The following TRMT6 variants were observed in gnomAD, a reference collection of about 807,000 sequenced individuals.
The protein encoded by TRMT6 is tRNA methyltransferase 6 non-catalytic subunit, also known as tRNA (adenine(58)-N(1))-methyltransferase non-catalytic subunit TRM6.
A neutral mutation model predicts 59.0 loss-of-function variants in TRMT6; 34 were observed. The ratio of observed to expected loss-of-function variants is 0.58; its 90% CI spans 0.44 to 0.77. TRMT6 has a LOEUF of 0.77. TRMT6 is among the 30% of genes least tolerant of loss of function. The pLI is 0.00. For missense variants in TRMT6, 575 were observed against 604.5 expected (o/e 0.95, Z 0.51); for synonymous variants, 217 against 210.5 (o/e 1.03, Z -0.27).
rs1469145560 is a variant in TRMT6 at position 5,950,429 on chromosome 20, C to G, written c.-24G>C. 1 of 1,530,088 alleles carries G rather than the reference C, an allele frequency of 6.5e-7. No homozygotes were observed. Among genetic ancestry groups the G allele is most frequent in the South Asian group, 1.2e-5 (1 of 80,232 alleles). The allele number at this position is 1,530,088 out of a possible 1,614,324, so 94.8% of individuals were successfully genotyped here. A position where few individuals can be genotyped will look rare whatever the true frequency, so the allele number is the denominator to read the frequency against. On this transcript the variant is annotated 5_prime_UTR_variant, in exon 1 of 11. Transcript: ENST00000203001. ...ATGACGCTCAGCCGGTCGCCGTGCTCCACGGCGTCCCGCCCCTCCTCCTCG... is the reference window on the plus strand; with the variant it reads ...ATGACGCTCAGCCGGTCGCCGTGCTGCACGGCGTCCCGCCCCTCCTCCTCG...
At chr20:5,949,728 G>A (rs1166845321) in intron 1 of TRMT6, among the ~76,000 whole-genome samples, 1 of 152,180 alleles carries the variant, frequency 6.6e-6, no homozygotes, top group East Asian at 1.9e-4. Context: ...GACTAGGTAG[G>A]AGACGTTTCA....
Position 5,942,807 on chromosome 20 carries a change from A to G in TRMT6, c.668-21T>C, listed in dbSNP as rs1291364197. ...AAAACCTGAACAGATAAAAGAAACA[A>G]ACATCTGCCCGTGGAGTGACTCTAG... On this transcript the variant is annotated intron_variant, in intron 6 of 10. Coordinates refer to ENST00000203001, the MANE Select transcript of TRMT6 (RefSeq NM_015939.5). 5 of 1,586,104 alleles carry G rather than the reference A, an allele frequency of 3.2e-6. No individual in the cohort carries two copies. In the African/African-American group the frequency reaches 6.8e-5, roughly 22 times the overall value.
Position 5,950,467 on chromosome 20 carries a change from G to T in TRMT6, c.-62C>A, listed in dbSNP as rs542373136. On this transcript the variant is annotated 5_prime_UTR_variant, in exon 1 of 11. Transcript: ENST00000203001. ...CCCCTCCTCCTCGGTTGTCGCCACC[G>T]CCAGCCTCACTTCCCACAACCTGGC... 1.3e-6 allele frequency: 2 copies of T among 1,506,548 alleles called. No homozygotes were observed. The highest frequency in any genetic ancestry group is 1.8e-6 in the Non-Finnish European group (2 of 1,127,146). 93.3% of individuals were successfully genotyped at this position (1,506,548 alleles called of 1,614,324 possible). A position where few individuals can be genotyped will look rare whatever the true frequency, so the allele number is the denominator to read the frequency against.
At position 5,942,745 on chromosome 20, in the gene TRMT6, C is replaced by G; in HGVS notation, c.709G>C (p.Val237Leu). 1 of 1,614,026 alleles carries G rather than the reference C, an allele frequency of 6.2e-7. No individual in the cohort carries two copies. Among genetic ancestry groups the G allele is most frequent in the Non-Finnish European group, 8.5e-7 (1 of 1,179,988 alleles). The change falls in exon 7 of 11, where the codon GTT (valine) becomes CTT (leucine). Residue 237 changes from valine (V) to leucine (L), a missense_variant. Physicochemically the swap from Val to Leu is conservative, Grantham distance 32. Transcript: ENST00000203001. ...CCAAAACATGCTGTTGCTGCCCGAA[C>G]AGGTCCTCCTCCAGGGTATAGCTGA... ...IIQLYPGGGPVRAATACFGFP... is the reference protein window; with the variant it reads ...IIQLYPGGGPLRAATACFGFP...
chr20:5,938,912 C>T (rs902393531), intron 10 of TRMT6, among the ~76,000 whole-genome samples, 186 bp from the exon 11 acceptor site: 3 of 149,240 alleles, frequency 2.0e-5, no homozygotes, highest in African/African-American at 7.4e-5. Flanking sequence ...CCTTCCCTTC[C>T]TTCCTCCCTC....
chr20:5,944,084 T>C, intron 4 of TRMT6, 53 bp from the exon 5 acceptor site: 1 of 1,408,608 alleles, frequency 7.1e-7, no homozygotes, highest in Non-Finnish European at 9.6e-7. Context: ...TAAAATATTT[T>C]ATTTGTAATA....
chr20:5,948,040 A>G (rs1401839224), intron 1 of TRMT6, among the ~76,000 whole-genome samples: 1 of 152,100 alleles, frequency 6.6e-6, no homozygotes, highest in African/African-American at 2.4e-5. Context: ...AGATTGCTTG[A>G]GCCCAAGAGG....
rs769194562 is a variant in TRMT6, at chr20:5,942,545, T to G, written c.909A>C (p.Glu303Asp). The change falls in exon 7 of 11, where the codon GAA (glutamate) becomes GAC (aspartate). Residue 303 changes from glutamate (E) to aspartate (D), a missense_variant. Transcript: ENST00000203001. ...EEKQASEQEN[E>D]DSMAEAPESN... ...TCTCTGGGGCCTCTGCCATGCTGTC[T>G]TCATTCTCTTGTTCAGAAGCCTGTT... The G allele has an allele frequency of 6.7e-5, 108 of 1,614,070 alleles. No homozygotes were observed. The highest frequency in any genetic ancestry group is 8.6e-5 in the Non-Finnish European group (102 of 1,180,040).
intron 10 of TRMT6, 92 bp from the exon 11 acceptor site, chr20:5,938,818 C>T (rs2088630975): frequency 8.7e-7 from 1 of 1,146,508 alleles, no homozygotes; most frequent in African/African-American, 1.6e-5. Flanking sequence ...TTAAACAACA[C>T]AGGTTCTCTT....
chr20:5,938,590 T>C lies in TRMT6; in HGVS notation c.1439A>G (p.His480Arg), dbSNP rs374796213. The C allele has an allele frequency of 1.8e-5, 29 of 1,614,236 alleles. No homozygotes were observed. The highest frequency in any genetic ancestry group is 1.5e-4 in the African/African-American group (11 of 75,072). Residue 480 changes from histidine (H) to arginine (R), a missense_variant, in exon 11 of 11, where the codon CAC becomes CGC. By Grantham distance (29) the His-to-Arg change is conservative. Transcript: ENST00000203001. The part of the protein sequence containing the change: ...LKSNASTLES[H>R]ETEEPAAKKR... ...TTTAGCTGCAGGCTCCTCAGTCTCG[T>C]GTGATTCTAAAGTGCTTGCATTAGA...
Position 5,942,429 on chromosome 20 carries a change from T to C in TRMT6, c.1025A>G (p.Tyr342Cys), listed in dbSNP as rs200725329. The C allele has an allele frequency of 3.1e-6, 5 of 1,613,480 alleles. No homozygotes were observed. The highest frequency in any genetic ancestry group is 4.2e-6 in the Non-Finnish European group (5 of 1,179,530). ...GGTGGGGACTCTTGGCATCCTTACA[T>C]AATCTTTTTTGCTTCCTCTCTCTTT... Reference protein sequence around the residue: ...GPKERGSKKDYIQEKQRRQEE... With the variant: ...GPKERGSKKDCIQEKQRRQEE... The change falls in exon 7 of 11, where the codon TAT becomes TGT. Residue 342 changes from tyrosine (Y) to cysteine (C), a missense_variant and splice_region_variant. Physicochemically the swap from Tyr to Cys is radical, Grantham distance 194. Transcript: ENST00000203001.
intron 10 of TRMT6, among the ~76,000 whole-genome samples, chr20:5,940,653 C>T (rs2122598645): frequency 6.6e-6 from 1 of 152,324 alleles, no homozygotes; most frequent in Middle Eastern, 3.4e-3. Flanking sequence ...GGGTCTTACT[C>T]TGTCACCCAG....
Position 5,942,738 on chromosome 20 carries a change from G to T in TRMT6, c.716C>A (p.Ala239Glu), listed in dbSNP as rs2088669486. 2.5e-6 allele frequency: 4 copies of T among 1,613,964 alleles called. No homozygotes were observed. In the South Asian group the frequency reaches 3.3e-5, roughly 13 times the overall value. The change falls in exon 7 of 11, where the codon GCA becomes GAA. Residue 239 changes from alanine to glutamate, a missense_variant. Transcript: ENST00000203001. ...QLYPGGGPVR[A>E]ATACFGFPKS... Reference sequence around the variant, plus strand: ...GGGAAATCCAAAACATGCTGTTGCTGCCCGAACAGGTCCTCCTCCAGGGTA... The same window carrying T: ...GGGAAATCCAAAACATGCTGTTGCTTCCCGAACAGGTCCTCCTCCAGGGTA...
intron 10 of TRMT6, 119 bp from the exon 11 acceptor site, chr20:5,938,845 A>G: frequency 1.1e-6 from 1 of 879,314 alleles, no homozygotes; most frequent in Non-Finnish European, 1.6e-6. Context: ...TTAAATGGAC[A>G]TTTTTTTTTC....
intron 3 of TRMT6, 37 bp from the exon 4 acceptor site, chr20:5,944,290 T>G: frequency 7.8e-7 from 1 of 1,287,786 alleles, no homozygotes; most frequent in Non-Finnish European, 1.1e-6. Context: ...TCTGAAACTT[T>G]ACTTTCACAA....
At chr20:5,946,682 G>T in intron 1 of TRMT6, 149 bp from the exon 2 acceptor site, 1 of 724,450 alleles carries the variant, frequency 1.4e-6, no homozygotes, top group Non-Finnish European at 2.2e-6. Flanking sequence ...GAACTAGAGA[G>T]AACCTGGTTG....
intron 10 of TRMT6, among the ~76,000 whole-genome samples, chr20:5,939,447 C>T (rs187860960): frequency 0.014 from 2,128 of 148,696 alleles, 23 homozygotes; most frequent in Admixed American, 0.02. Context: ...CGCCACTGCA[C>T]CCCACCTGGG....
intron 1 of TRMT6, among the ~76,000 whole-genome samples, chr20:5,948,384 C>A (rs1023688379): frequency 1.3e-5 from 2 of 152,136 alleles, no homozygotes; most frequent in Non-Finnish European, 2.9e-5. Context: ...ATGAGTGTAG[C>A]CCCAAGGGTG....
Position 5,943,591 on chromosome 20 carries a change from A to G in TRMT6, c.635T>C (p.Leu212Ser). ...TCGTTCCATCATTGCACCCAGCACC[A>G]AGCCTGCACACGTTTCCATCACAAT... ...KMIVMETCAG[L>S]VLGAMMERMG... Residue 212 changes from leucine (L) to serine (S), a missense_variant, in exon 6 of 11, where the codon TTG becomes TCG. Coordinates refer to ENST00000203001, the MANE Select transcript of TRMT6 (RefSeq NM_015939.5). 6.2e-7 allele frequency: 1 copy of G among 1,614,202 alleles called. No individual in the cohort carries two copies. The highest frequency in any genetic ancestry group is 8.5e-7 in the Non-Finnish European group (1 of 1,180,038).
Sources: gnomAD v4.1 joint callset for allele counts (sites outside exome capture counted in the v4.1 genomes callset) on GRCh38, gnomAD v4.1.1 for gene constraint, MANE v1.5 for transcripts, NCBI Gene and HGNC (gene_info 2026-07-23, HGNC 2026-07-21) for gene names.